Variants in GPC6 observed in about 807,000 individuals in gnomAD.
GPC6 encodes the protein glypican 6, also known as glypican-6.
GPC6 carries 14 observed loss-of-function variants against 55.2 expected under a neutral mutation model. The observed-to-expected ratio is 0.25, with a 90% CI of 0.17 to 0.40. GPC6 has a LOEUF of 0.40. GPC6 is among the 10% of genes least tolerant of loss of function. The probability of loss-of-function intolerance (pLI) is 1.00; values close to 1 mark genes in which losing one functional copy is unlikely to be tolerated. For missense variants in GPC6, 641 were observed against 708.5 expected (o/e 0.90, Z 1.08); for synonymous variants, 278 against 259.6 (o/e 1.07, Z -0.68).
At chr13:93,716,899 A>G (rs1001256373) in intron 2 of GPC6, among the ~76,000 whole-genome samples, 1 of 151,644 alleles carries the variant, frequency 6.6e-6, no homozygotes, top group African/African-American at 2.4e-5. Context: ...TATTTACTGT[A>G]TCTTTTCTGT....
intron 4 of GPC6, among the ~76,000 whole-genome samples, chr13:94,168,400 G>A (rs1176745255): frequency 6.6e-6 from 1 of 152,150 alleles, no homozygotes; most frequent in East Asian, 1.9e-4. Context: ...GGTGGGGGTG[G>A]AGCCCGTAAT....
rs1340965498 is a variant in GPC6, at chr13:93,719,188, T to C, written c.320-110966T>C. ...ATTACTTTGGGCAGTATGGCCATTT[T>C]TCACGATTGATTCTTCCTATCCATG... is the stretch of plus-strand genomic sequence containing the variant. On this transcript the variant is annotated intron_variant, in intron 2 of 8. Coordinates refer to ENST00000377047, the MANE Select transcript of GPC6 (RefSeq NM_005708.5). Among the ~76,000 whole-genome samples the C allele has an allele frequency of 2.0e-5, 3 of 152,052 alleles. No individual in the cohort carries two copies. The East Asian group carries it at 5.8e-4, about 29-fold the overall frequency.
chr13:93,697,234 A>G (rs1882493030), intron 2 of GPC6, among the ~76,000 whole-genome samples: 1 of 152,010 alleles, frequency 6.6e-6, no homozygotes, highest in East Asian at 1.9e-4. Context: ...TCTTGCTGGG[A>G]CTCAAACATG....
chr13:93,393,282 G>A lies in GPC6; in HGVS notation c.161-151981G>A, dbSNP rs572467729. Among the ~76,000 whole-genome samples the A allele has an allele frequency of 2.6e-5, 4 of 151,524 alleles. No homozygotes were observed. The South Asian group carries it at 6.3e-4, about 24-fold the overall frequency. On this transcript the variant is annotated intron_variant, in intron 1 of 8. Coordinates refer to ENST00000377047, the MANE Select transcript of GPC6 (RefSeq NM_005708.5). ...GCCTCCTAAGTAGTTGGAATTACAC[G>A]CGCCCACCACCACACCCAGCTAATT...
chr13:93,325,187 CCA>C (rs1272912469), intron 1 of GPC6, among the ~76,000 whole-genome samples: 9 of 152,034 alleles, frequency 5.9e-5, no homozygotes. Flanking sequence ...TAATTTCTAG[CCA>C]GTTAGTCCCC....
chr13:94,043,012 C>T (rs1594689933), intron 4 of GPC6, among the ~76,000 whole-genome samples: 2 of 151,792 alleles, frequency 1.3e-5, no homozygotes, highest in Admixed American at 6.6e-5. Flanking sequence ...TATTTTGTTG[C>T]TCAAATTGTT....
intron 3 of GPC6, among the ~76,000 whole-genome samples, chr13:93,972,876 C>T (rs1302774912): frequency 1.3e-5 from 2 of 151,784 alleles, no homozygotes; most frequent in African/African-American, 4.8e-5. Context: ...TTCTGTAGAC[C>T]ATCAAACATG....
chr13:94,308,372 A>G (rs1355932058), intron 6 of GPC6, among the ~76,000 whole-genome samples: 6 of 152,250 alleles, frequency 3.9e-5, no homozygotes, highest in Admixed American at 3.3e-4. Context: ...AAGGAACTTT[A>G]TTGGTAATGT....
chr13:94,308,291 C>G (rs1241454530), intron 6 of GPC6, among the ~76,000 whole-genome samples: 1 of 152,150 alleles, frequency 6.6e-6, no homozygotes, highest in Non-Finnish European at 1.5e-5. Flanking sequence ...AGTAAAGCAT[C>G]AACACTTCGA....
chr13:93,773,228 A>G (rs1885358746), intron 2 of GPC6, among the ~76,000 whole-genome samples: 1 of 152,318 alleles, frequency 6.6e-6, no homozygotes, highest in African/African-American at 2.4e-5. Context: ...AGCCTGCATG[A>G]TGGATTCACT....
intron 3 of GPC6, among the ~76,000 whole-genome samples, chr13:93,995,582 T>C (rs1044691779): frequency 1.3e-5 from 2 of 152,214 alleles, no homozygotes; most frequent in African/African-American, 2.4e-5. Context: ...ACCTGGTATA[T>C]GTTAATATCA....
At chr13:94,017,060 C>T (rs907291016) in intron 3 of GPC6, among the ~76,000 whole-genome samples, 1 of 152,156 alleles carries the variant, frequency 6.6e-6, no homozygotes, top group African/African-American at 2.4e-5. Context: ...GTCTTGAACT[C>T]CTGAACTCGT....
At chr13:94,041,122 A>C (rs1386233677) in intron 4 of GPC6, among the ~76,000 whole-genome samples, 1 of 151,898 alleles carries the variant, frequency 6.6e-6, no homozygotes, top group Non-Finnish European at 1.5e-5. Context: ...TTTAAAATGT[A>C]AGAAAAGTTT....
intron 3 of GPC6, among the ~76,000 whole-genome samples, chr13:94,023,010 A>G (rs958749370): frequency 6.6e-6 from 1 of 152,092 alleles, no homozygotes; most frequent in African/African-American, 2.4e-5. Context: ...GTTTACTATG[A>G]CTATCTGGAA....
At chr13:94,134,175 C>T (rs1369951326) in intron 4 of GPC6, among the ~76,000 whole-genome samples, 1 of 152,154 alleles carries the variant, frequency 6.6e-6, no homozygotes, top group Admixed American at 6.5e-5. Context: ...CATATTCTCA[C>T]CTTTGAATGC....
At chr13:93,614,005 G>A (rs1878607012) in intron 2 of GPC6, among the ~76,000 whole-genome samples, 4 of 152,128 alleles carry the variant, frequency 2.6e-5, no homozygotes, top group Admixed American at 2.0e-4. Context: ...AATCTGATTT[G>A]GCAGTTACTG....
intron 2 of GPC6, among the ~76,000 whole-genome samples, chr13:93,658,314 T>C (rs1285300752): frequency 6.6e-6 from 1 of 151,998 alleles, no homozygotes; most frequent in Non-Finnish European, 1.5e-5. Context: ...TTTAGCAAAA[T>C]ATTTTAAAAT....
At chr13:93,806,551 G>C (rs1886548392) in intron 2 of GPC6, among the ~76,000 whole-genome samples, 1 of 152,120 alleles carries the variant, frequency 6.6e-6, no homozygotes, top group African/African-American at 2.4e-5. Flanking sequence ...TGTTGGCCAG[G>C]CTGGTCTCGA....
chr13:94,252,131 C>T (rs1338778765), intron 4 of GPC6, among the ~76,000 whole-genome samples: 2 of 152,066 alleles, frequency 1.3e-5, no homozygotes, highest in Non-Finnish European at 2.9e-5. Flanking sequence ...TACTTATTTC[C>T]TCTCACTTCC....
Sources: allele counts gnomAD v4.1 joint callset (sites outside exome capture counted in the v4.1 genomes callset), GRCh38; gene constraint gnomAD v4.1.1; transcripts MANE v1.5; gene names NCBI Gene and HGNC (gene_info 2026-07-23, HGNC 2026-07-21).